ZBTB20: variants seen among roughly 807,000 people sequenced by gnomAD.
ZBTB20 encodes the protein zinc finger and BTB domain containing 20.
In ZBTB20, 9 loss-of-function variants were observed where a neutral mutation model predicts 56.9. That is an observed-to-expected ratio of 0.16 (90% CI 0.10 to 0.28). The LOEUF is 0.28. Ranked by LOEUF, ZBTB20 falls within the 10% of genes least tolerant of loss-of-function variation. The probability of loss-of-function intolerance (pLI) is 1.00; values close to 1 mark genes in which losing one functional copy is unlikely to be tolerated. For synonymous variants in ZBTB20, 417 were observed against 420.7 expected (o/e 0.99, Z 0.11); for missense variants, 655 against 1,003.0 (o/e 0.65, Z 4.69).
chr3:114,581,845 G>A (rs1236459263), intron 6 of ZBTB20, among the ~76,000 whole-genome samples: 1 of 152,098 alleles, frequency 6.6e-6, no homozygotes, highest in Non-Finnish European at 1.5e-5. Context: ...TACATTGGAG[G>A]GAGGTTTTAC....
intron 4 of ZBTB20, among the ~76,000 whole-genome samples, chr3:114,895,837 T>C: frequency 6.6e-6 from 1 of 152,172 alleles, no homozygotes; most frequent in Non-Finnish European, 1.5e-5. Context: ...GTTACCACCA[T>C]ACTATACATA....
intron 1 of ZBTB20, among the ~76,000 whole-genome samples, chr3:115,098,327 G>A (rs563056660): frequency 6.6e-6 from 1 of 152,198 alleles, no homozygotes; most frequent in Admixed American, 6.5e-5. Flanking sequence ...TCCTCACAAG[G>A]CTAACACAGA....
chr3:115,097,460 T>TA (rs967128587), intron 1 of ZBTB20, among the ~76,000 whole-genome samples: 3 of 151,664 alleles, frequency 2.0e-5, no homozygotes, highest in Non-Finnish European at 2.9e-5. Flanking sequence ...CTATTTTTTT[T>TA]AAAAAAAATC....
At chr3:115,039,752 A>C (rs1285980220) in intron 2 of ZBTB20, among the ~76,000 whole-genome samples, 1 of 152,082 alleles carries the variant, frequency 6.6e-6, no homozygotes, top group Non-Finnish European at 1.5e-5. Context: ...ATTGCTTTTC[A>C]AAAGTTATTT....
intron 7 of ZBTB20, among the ~76,000 whole-genome samples, chr3:114,392,383 T>A (rs1209748534): frequency 6.6e-6 from 1 of 152,200 alleles, no homozygotes; most frequent in Non-Finnish European, 1.5e-5. Context: ...AAACATCTCA[T>A]GTACCCCAGA....
intron 1 of ZBTB20, among the ~76,000 whole-genome samples, chr3:115,108,443 A>T (rs970217580): frequency 6.6e-6 from 1 of 152,188 alleles, no homozygotes; most frequent in Non-Finnish European, 1.5e-5. Flanking sequence ...GGGAGCACAG[A>T]GATGAGAGGG....
chr3:115,045,534 G>A (rs1026004368), intron 2 of ZBTB20, among the ~76,000 whole-genome samples: 1 of 151,374 alleles, frequency 6.6e-6, no homozygotes, highest in Non-Finnish European at 1.5e-5. Context: ...TATTGTTATT[G>A]TCTGCACTGA....
intron 3 of ZBTB20, among the ~76,000 whole-genome samples, chr3:114,920,967 C>G (rs1039618858): frequency 7.2e-5 from 11 of 152,060 alleles, no homozygotes; most frequent in Admixed American, 5.9e-4. Context: ...CAATTACATT[C>G]CAACAGATTA....
intron 4 of ZBTB20, among the ~76,000 whole-genome samples, chr3:114,859,341 T>G (rs1379549776): frequency 1.3e-5 from 2 of 149,840 alleles, no homozygotes; most frequent in Non-Finnish European, 3.0e-5. Context: ...TCTTCTTTCC[T>G]TTTTCCTCTC....
Position 114,331,461 on chromosome 3 carries a change from G to C in ZBTB20, c.*7544C>G, listed in dbSNP as rs1015827459. On this transcript the variant is annotated 3_prime_UTR_variant, in exon 12 of 12. Coordinates refer to ENST00000675478, the MANE Select transcript of ZBTB20 (RefSeq NM_001348800.3). ...CTGCTTCCTGGGAAGGGAGCCACAA[G>C]TCTTAAACACAATGGTGGGAAGAGG... 6.6e-6 allele frequency: 1 copy of C among 152,148 alleles called. No individual in the cohort carries two copies. Among genetic ancestry groups the C allele is most frequent in the African/African-American group, 2.4e-5 (1 of 41,438 alleles). The allele number at this position is 152,148 out of a possible 1,614,324, so 9.4% of individuals were successfully genotyped here.
rs1237932581 is a variant in ZBTB20, at chr3:114,609,600, TAG to T, written c.-295+83926_-295+83927del. 6.6e-5 allele frequency among the ~76,000 whole-genome samples: 10 copies of T among 152,324 alleles called. No homozygotes were observed. The East Asian group carries it at 1.9e-3, about 29-fold the overall frequency. Reference sequence around the variant, plus strand: ...ATGATGAAGACCAAAGTCAATGCTGTAGAGAGTTGTAGGGATATAACTGCTGC... The same window carrying T: ...ATGATGAAGACCAAAGTCAATGCTGTAGAGTTGTAGGGATATAACTGCTGC... On this transcript the variant is annotated intron_variant, in intron 6 of 11. Transcript: ENST00000675478.
chr3:114,673,978 T>C (rs566069682), intron 6 of ZBTB20, among the ~76,000 whole-genome samples: 1 of 152,318 alleles, frequency 6.6e-6, no homozygotes, highest in Non-Finnish European at 1.5e-5. Context: ...GGTGTATTTC[T>C]AGATCTAAAT....
chr3:114,860,028 G>C (rs1399775109), intron 4 of ZBTB20, among the ~76,000 whole-genome samples: 1 of 152,130 alleles, frequency 6.6e-6, no homozygotes, highest in Non-Finnish European at 1.5e-5. Flanking sequence ...TGAAATTACA[G>C]CCGGGCGCGG....
At chr3:114,679,562 T>C (rs909352440) in intron 6 of ZBTB20, among the ~76,000 whole-genome samples, 10 of 151,868 alleles carry the variant, frequency 6.6e-5, no homozygotes, top group African/African-American at 2.4e-4. Flanking sequence ...AATAGAGAAA[T>C]GCAAATCAAA....
In ZBTB20 at chr3:115,117,591, A is replaced by C. The variant is rs572169499; in HGVS notation, c.-703+29628T>G. ...AAAATTAGGAATTTTTATTTTTAAT[A>C]AATTATTTTATTCCTTTGTGTATTA... is the stretch of plus-strand genomic sequence containing the variant. On this transcript the variant is annotated intron_variant, in intron 1 of 11. Coordinates refer to ENST00000675478, the MANE Select transcript of ZBTB20 (RefSeq NM_001348800.3). 3.3e-5 allele frequency among the ~76,000 whole-genome samples: 5 copies of C among 152,238 alleles called. No homozygotes were observed. In the South Asian group the frequency reaches 6.2e-4, roughly 19 times the overall value.
intron 5 of ZBTB20, among the ~76,000 whole-genome samples, chr3:114,783,985 T>C (rs1344107606): frequency 2.0e-5 from 3 of 152,166 alleles, no homozygotes; most frequent in Non-Finnish European, 4.4e-5. Context: ...ATTCTTATCA[T>C]TTTAATGAGG....
chr3:114,777,832 C>T (rs866335546), intron 5 of ZBTB20, among the ~76,000 whole-genome samples: 28 of 151,998 alleles, frequency 1.8e-4, no homozygotes, highest in African/African-American at 4.6e-4. Context: ...ATAGCAAAGA[C>T]TTGGAACCAA....
chr3:114,844,519 T>C (rs2074563019), intron 4 of ZBTB20, among the ~76,000 whole-genome samples: 1 of 894 alleles, frequency 1.1e-3, no homozygotes, highest in Non-Finnish European at 4.9e-3. Flanking sequence ...AGTCCCTGTC[T>C]CAAAAAAAAA....
intron 6 of ZBTB20, among the ~76,000 whole-genome samples, chr3:114,593,855 G>T (rs146078170): frequency 6.6e-6 from 1 of 152,272 alleles, no homozygotes; most frequent in South Asian, 2.1e-4. Context: ...TAATATAGTA[G>T]ATTTTACATT....
Sources: gnomAD v4.1 joint callset for allele counts (sites outside exome capture counted in the v4.1 genomes callset) on GRCh38, gnomAD v4.1.1 for gene constraint, MANE v1.5 for transcripts, NCBI Gene and HGNC (gene_info 2026-07-23, HGNC 2026-07-21) for gene names.